Variants in TMEM132D observed in about 807,000 individuals in gnomAD.
TMEM132D encodes the protein transmembrane protein 132D.
TMEM132D carries 21 observed loss-of-function variants against 62.3 expected under a neutral mutation model. That is an observed-to-expected ratio of 0.34 (90% confidence interval 0.24 to 0.49). The LOEUF (loss-of-function observed/expected upper bound fraction) is 0.49. Ranked by LOEUF, TMEM132D falls within the 20% of genes least tolerant of loss-of-function variation. The pLI, the probability that TMEM132D is intolerant of heterozygous loss-of-function variation, is 0.99. For synonymous variants in TMEM132D, 621 were observed against 575.6 expected, an observed-to-expected ratio of 1.08 and a Z score of -1.13; for missense variants, 1,346 against 1,402.8, an observed-to-expected ratio of 0.96 and a Z score of 0.65.
intron 3 of TMEM132D, among the ~76,000 whole-genome samples, chr12:129,514,086 G>T (rs1010655600): frequency 1.3e-5 from 2 of 151,062 alleles, no homozygotes; most frequent in East Asian, 2.0e-4. Flanking sequence ...TGATCCGCCC[G>T]CCTCGGCCTC....
At chr12:129,794,233 C>A (rs942828159) in intron 1 of TMEM132D, among the ~76,000 whole-genome samples, 1 of 146,866 alleles carries the variant, frequency 6.8e-6, no homozygotes, top group Non-Finnish European at 1.5e-5. Flanking sequence ...AGATCACAGG[C>A]GTGCACCACC....
intron 1 of TMEM132D, among the ~76,000 whole-genome samples, chr12:129,896,802 C>T (rs1218146319): frequency 2.0e-5 from 3 of 151,948 alleles, no homozygotes; most frequent in Non-Finnish European, 4.4e-5. Flanking sequence ...ATATACTTTA[C>T]TTACTTTATA....
intron 5 of TMEM132D, among the ~76,000 whole-genome samples, chr12:129,184,120 A>G (rs1197991359): frequency 1.3e-5 from 2 of 152,178 alleles, no homozygotes; most frequent in East Asian, 1.9e-4. Context: ...TCACCCACTC[A>G]TGTCACCGTC....
intron 3 of TMEM132D, among the ~76,000 whole-genome samples, chr12:129,487,881 G>A (rs984902794): frequency 1.4e-5 from 2 of 140,972 alleles, no homozygotes; most frequent in African/African-American, 5.3e-5. Context: ...AGCTTGCAGT[G>A]AGCAGAGATT....
At chr12:129,677,581 A>T (rs577127217) in intron 2 of TMEM132D, among the ~76,000 whole-genome samples, 7 of 152,360 alleles carry the variant, frequency 4.6e-5, no homozygotes, top group East Asian at 3.9e-4. Context: ...AAAAATTTTG[A>T]CATGTATTAT....
intron 5 of TMEM132D, among the ~76,000 whole-genome samples, chr12:129,196,580 T>C (rs1406940260): frequency 6.6e-6 from 1 of 152,166 alleles, no homozygotes; most frequent in African/African-American, 2.4e-5. Context: ...TGGTGATGTC[T>C]GCCCTGGGTA....
At chr12:129,086,683 A>T (rs1874632276) in intron 5 of TMEM132D, among the ~76,000 whole-genome samples, 1 of 119,842 alleles carries the variant, frequency 8.3e-6, no homozygotes, top group African/African-American at 3.4e-5. Context: ...TATAATACAA[A>T]TTTGTATCAT....
At chr12:129,481,320 G>A (rs531468023) in intron 3 of TMEM132D, among the ~76,000 whole-genome samples, 116 of 151,888 alleles carry the variant, frequency 7.6e-4, no homozygotes, top group African/African-American at 2.6e-3. Context: ...AAAATTAGCC[G>A]GGCGTGGTAA....
intron 5 of TMEM132D, among the ~76,000 whole-genome samples, chr12:129,156,366 C>T (rs1447994121): frequency 1.3e-5 from 2 of 152,056 alleles, no homozygotes; most frequent in Non-Finnish European, 1.5e-5. Context: ...AGATAAATAA[C>T]CCACTCCCAA....
intron 2 of TMEM132D, among the ~76,000 whole-genome samples, chr12:129,593,745 G>C (rs1164517249): frequency 6.6e-6 from 1 of 152,168 alleles, no homozygotes; most frequent in Non-Finnish European, 1.5e-5. Context: ...CGGATGTAAA[G>C]CCTGTGCTTC....
intron 3 of TMEM132D, among the ~76,000 whole-genome samples, chr12:129,424,075 C>T (rs375265631): frequency 1.2e-4 from 19 of 152,046 alleles, no homozygotes; most frequent in East Asian, 5.8e-4. Context: ...TTGATACTAA[C>T]GACAGTTGAC....
At chr12:129,646,765 G>A (rs760108592) in intron 2 of TMEM132D, among the ~76,000 whole-genome samples, 13 of 149,786 alleles carry the variant, frequency 8.7e-5, no homozygotes, top group South Asian at 4.2e-4. Context: ...ATGCATTCAC[G>A]CACAAAGATA....
chr12:129,134,906 C>T (rs564450807), intron 5 of TMEM132D, among the ~76,000 whole-genome samples: 53 of 152,374 alleles, frequency 3.5e-4, no homozygotes, highest in African/African-American at 1.3e-3. Context: ...CAAGGCCAAT[C>T]ATCATGCCCA....
At chr12:129,689,791 G>A (rs1484155489) in intron 2 of TMEM132D, among the ~76,000 whole-genome samples, 1 of 152,132 alleles carries the variant, frequency 6.6e-6, no homozygotes, top group African/African-American at 2.4e-5. Context: ...AAGAAACACA[G>A]TCCTGGGAAC....
intron 2 of TMEM132D, among the ~76,000 whole-genome samples, chr12:129,670,024 T>C (rs1281872325): frequency 2.0e-5 from 3 of 152,180 alleles, no homozygotes; most frequent in African/African-American, 7.2e-5. Context: ...AGCGATCGGC[T>C]GCCTTTTCCC....
At chr12:129,780,346 G>C (rs927014089) in intron 1 of TMEM132D, among the ~76,000 whole-genome samples, 1 of 151,662 alleles carries the variant, frequency 6.6e-6, no homozygotes, top group African/African-American at 2.4e-5. Flanking sequence ...GGGAGGGGGG[G>C]GGCCGGGGGG....
chr12:129,500,721 G>C (rs1875114087), intron 3 of TMEM132D, among the ~76,000 whole-genome samples: 1 of 152,154 alleles, frequency 6.6e-6, no homozygotes, highest in African/African-American at 2.4e-5. Flanking sequence ...GTGTCTAATT[G>C]CTCCTGGGCT....
chr12:129,664,956 A>G (rs981418275), intron 2 of TMEM132D, among the ~76,000 whole-genome samples: 1 of 152,176 alleles, frequency 6.6e-6, no homozygotes, highest in Non-Finnish European at 1.5e-5. Context: ...TGTAAATGCT[A>G]TTATCCCTAT....
chr12:129,135,453 T>A (rs1168384522), intron 5 of TMEM132D, among the ~76,000 whole-genome samples: 1 of 152,136 alleles, frequency 6.6e-6, no homozygotes, highest in Admixed American at 6.6e-5. Context: ...GAGGCACTGT[T>A]GGGGAGATCA....
Sources: allele counts gnomAD v4.1 joint callset (sites outside exome capture counted in the v4.1 genomes callset), GRCh38; gene constraint gnomAD v4.1.1; transcripts MANE v1.5; gene names NCBI Gene and HGNC (gene_info 2026-07-23, HGNC 2026-07-21).